FOXJ3: variants seen among roughly 807,000 people sequenced by gnomAD.
The protein encoded by FOXJ3 is forkhead box protein J3.
Under a neutral mutation model 76.1 loss-of-function variants are expected in FOXJ3, and 22 were observed. That is an observed-to-expected ratio of 0.29 (90% CI 0.21 to 0.41). FOXJ3 has a LOEUF of 0.41. Ranked by LOEUF, FOXJ3 falls within the 10% of genes least tolerant of loss-of-function variation. The probability of loss-of-function intolerance (pLI) is 1.00; values close to 1 mark genes in which losing one functional copy is unlikely to be tolerated. For missense variants in FOXJ3, 613 were observed against 762.1 expected (o/e 0.80, Z 2.30); for synonymous variants, 269 against 261.2 (o/e 1.03, Z -0.29).
chr1:42,291,276 A>G (rs1220439113), intron 2 of FOXJ3, among the ~76,000 whole-genome samples: 1 of 152,240 alleles, frequency 6.6e-6, no homozygotes, highest in East Asian at 1.9e-4. Context: ...ACCTAGATGT[A>G]AAAGCTAAAT....
rs139246045 is a variant in FOXJ3 at position 42,237,596 on chromosome 1, T to C, written c.445-9630A>G. The stretch of plus-strand genomic sequence containing the variant: ...AATCTGTGGTTATCTGTTTTCATAA[T>C]GGAACCTTGTAAGGAGCAAAAAGCT... On this transcript the variant is annotated intron_variant, in intron 4 of 12. Transcript: ENST00000361346. 2.6e-5 allele frequency among the ~76,000 whole-genome samples: 4 copies of C among 151,658 alleles called. 1 individual carries two copies. Among genetic ancestry groups the C allele is most frequent in the African/African-American group, 9.7e-5 (4 of 41,438 alleles).
intron 5 of FOXJ3, among the ~76,000 whole-genome samples, chr1:42,224,359 A>G (rs2124439223): frequency 6.6e-6 from 1 of 152,330 alleles, no homozygotes; most frequent in Middle Eastern, 3.4e-3. Context: ...AAATATAATA[A>G]TAACAGAACA....
intron 2 of FOXJ3, among the ~76,000 whole-genome samples, chr1:42,297,596 C>T (rs957734930): frequency 5.3e-5 from 8 of 152,204 alleles, no homozygotes; most frequent in Admixed American, 5.2e-4. Context: ...AACATTCTTG[C>T]ATCCCTGGAA....
intron 11 of FOXJ3, among the ~76,000 whole-genome samples, chr1:42,186,303 A>G (rs904079373): frequency 3.3e-5 from 5 of 152,154 alleles, no homozygotes; most frequent in African/African-American, 1.2e-4. Context: ...TACTTGGAGC[A>G]CCATAATTGA....
intron 2 of FOXJ3, among the ~76,000 whole-genome samples, chr1:42,294,750 G>T (rs911993240): frequency 6.5e-5 from 6 of 92,204 alleles, no homozygotes; most frequent in South Asian, 3.7e-4. Flanking sequence ...CAACAAGAGC[G>T]AAACTTGGTC....
intron 5 of FOXJ3, among the ~76,000 whole-genome samples, chr1:42,226,955 C>A (rs1472956301): frequency 6.6e-6 from 1 of 152,212 alleles, no homozygotes; most frequent in Non-Finnish European, 1.5e-5. Flanking sequence ...TTATCCTATT[C>A]TCTTTGCCCT....
At chr1:42,253,985 C>T (rs1486970108) in intron 4 of FOXJ3, among the ~76,000 whole-genome samples, 3 of 150,658 alleles carry the variant, frequency 2.0e-5, no homozygotes, top group Non-Finnish European at 4.5e-5. Context: ...AACTAAAGAG[C>T]TTCTGCACAG....
intron 2 of FOXJ3, among the ~76,000 whole-genome samples, chr1:42,302,036 G>C (rs538119939): frequency 1.3e-5 from 2 of 152,214 alleles, no homozygotes; most frequent in East Asian, 3.9e-4. Context: ...TTTAGTTCTG[G>C]GTGCTTTCAG....
intron 5 of FOXJ3, among the ~76,000 whole-genome samples, chr1:42,206,233 T>C (rs1210280412): frequency 6.6e-6 from 1 of 152,228 alleles, no homozygotes; most frequent in East Asian, 1.9e-4. Context: ...ACTACCTTTC[T>C]AGATTCCTGA....
At chr1:42,280,272 C>A in intron 2 of FOXJ3, 1 of 981,060 alleles carries the variant, frequency 1.0e-6, no homozygotes, top group Non-Finnish European at 1.2e-6. Context: ...AGAAGACAAC[C>A]ACGAGGATTC....
intron 2 of FOXJ3, among the ~76,000 whole-genome samples, chr1:42,290,137 C>A (rs183501296): frequency 4.4e-4 from 67 of 152,102 alleles, no homozygotes; most frequent in Non-Finnish European, 4.9e-4. Flanking sequence ...TGTTAAAATT[C>A]ACTCAACTCT....
intron 12 of FOXJ3, among the ~76,000 whole-genome samples, chr1:42,180,933 T>C (rs935392818): frequency 6.6e-6 from 1 of 152,216 alleles, no homozygotes; most frequent in Non-Finnish European, 1.5e-5. Flanking sequence ...TCCAGAGCCT[T>C]ACCACCTTAT....
At chr1:42,305,923 C>G (rs920037029) in intron 2 of FOXJ3, among the ~76,000 whole-genome samples, 15 of 152,146 alleles carry the variant, frequency 9.9e-5, no homozygotes, top group Admixed American at 2.0e-4. Flanking sequence ...ACCCCACTTA[C>G]GGATGTGATT....
intron 3 of FOXJ3, among the ~76,000 whole-genome samples, chr1:42,276,666 A>C (rs1289404710): frequency 6.6e-6 from 1 of 152,174 alleles, no homozygotes; most frequent in Non-Finnish European, 1.5e-5. Flanking sequence ...CTGTATTTGC[A>C]TATGCTCAAA....
chr1:42,190,728 C>T (rs1646523760), intron 9 of FOXJ3, among the ~76,000 whole-genome samples: 1 of 152,168 alleles, frequency 6.6e-6, no homozygotes, highest in Admixed American at 6.5e-5. Flanking sequence ...TTTGCCATGA[C>T]TAATTTGTTG....
chr1:42,228,661 A>G (rs771543875), intron 4 of FOXJ3, among the ~76,000 whole-genome samples: 10 of 152,268 alleles, frequency 6.6e-5, no homozygotes, highest in Non-Finnish European at 1.3e-4. Flanking sequence ...ACAGAAAGAT[A>G]AAGTGGCTTT....
intron 2 of FOXJ3, among the ~76,000 whole-genome samples, chr1:42,300,985 A>G (rs1345014408): frequency 1.3e-5 from 2 of 152,130 alleles, no homozygotes; most frequent in African/African-American, 2.4e-5. Context: ...TCTGATGACT[A>G]TATGCTTAGA....
At chr1:42,226,799 T>C (rs1246645108) in intron 5 of FOXJ3, among the ~76,000 whole-genome samples, 6 of 152,232 alleles carry the variant, frequency 3.9e-5, no homozygotes, top group Admixed American at 1.3e-4. Flanking sequence ...CTAAATCTCA[T>C]TGCTGCTGTA....
At chr1:42,324,563 C>T (rs919539361) in intron 1 of FOXJ3, among the ~76,000 whole-genome samples, 2 of 151,926 alleles carry the variant, frequency 1.3e-5, no homozygotes, top group African/African-American at 4.8e-5. Context: ...GCGATTTCAT[C>T]ACTGTACAAA....
Sources: gnomAD v4.1 joint callset for allele counts (sites outside exome capture counted in the v4.1 genomes callset) on GRCh38, gnomAD v4.1.1 for gene constraint, MANE v1.5 for transcripts, NCBI Gene and HGNC (gene_info 2026-07-23, HGNC 2026-07-21) for gene names.